The following DHRSX variants were observed in gnomAD, a reference collection of about 807,000 sequenced individuals.
DHRSX encodes the protein dehydrogenase/reductase X-linked, also known as polyprenol dehydrogenase.
In DHRSX, 31 loss-of-function variants were observed where a neutral mutation model predicts 34.0. That is an observed-to-expected ratio of 0.91 (90% CI 0.69 to 1.23). The LOEUF is 1.23. DHRSX is among the 50% of genes most tolerant of loss of function. The probability of loss-of-function intolerance (pLI) is 0.00; values close to 1 mark genes in which losing one functional copy is unlikely to be tolerated. For synonymous variants in DHRSX, 201 were observed against 183.8 expected (o/e 1.09, Z -0.76); for missense variants, 414 against 428.1 (o/e 0.97, Z 0.29).
At chrX:2,273,770 G>A (rs2041588071) in intron 4 of DHRSX, among the ~76,000 whole-genome samples, 1 of 152,196 alleles carries the variant, frequency 6.6e-6, no homozygotes, top group African/African-American at 2.4e-5. Context: ...TAGGATAATG[G>A]CTTGCAGCTC....
At chrX:2,340,497 T>C (rs1432253737) in intron 3 of DHRSX, among the ~76,000 whole-genome samples, 1 of 151,966 alleles carries the variant, frequency 6.6e-6, no homozygotes, top group African/African-American at 2.4e-5. Flanking sequence ...ATATACAATG[T>C]CCAATGTTCT....
chrX:2,455,741 C>CAAAAAAAAA (rs752123891), intron 1 of DHRSX, among the ~76,000 whole-genome samples: 3 of 59,788 alleles, frequency 5.0e-5, no homozygotes, highest in Non-Finnish European at 9.9e-5. Flanking sequence ...AACTTCGTCT[C>CAAAAAAAAA]AAAAAAAAAA....
intron 6 of DHRSX, among the ~76,000 whole-genome samples, chrX:2,227,353 A>G (rs1290939579): frequency 6.6e-6 from 1 of 150,494 alleles, no homozygotes; most frequent in African/African-American, 2.5e-5. Context: ...GAGAAAGAAA[A>G]AGAGGAAGAA....
intron 5 of DHRSX, among the ~76,000 whole-genome samples, chrX:2,254,250 T>C (rs914130301): frequency 2.6e-5 from 4 of 152,224 alleles, no homozygotes; most frequent in Admixed American, 6.5e-5. Flanking sequence ...CAAGGACAAC[T>C]GAGTTTTTAT....
intron 2 of DHRSX, among the ~76,000 whole-genome samples, chrX:2,411,748 AAAAC>A (rs1439723513): frequency 3.2e-5 from 3 of 95,154 alleles, no homozygotes; most frequent in African/African-American, 1.1e-4. Context: ...AAAACAAAAC[AAAAC>A]AAAAAAAAAC....
At chrX:2,361,061 G>C (rs2042927741) in intron 3 of DHRSX, among the ~76,000 whole-genome samples, 1 of 152,028 alleles carries the variant, frequency 6.6e-6, no homozygotes, top group African/African-American at 2.4e-5. Flanking sequence ...CGTTGGCTTT[G>C]GTTAGAGAAA....
chrX:2,294,997 C>G (rs2041915458), intron 3 of DHRSX, among the ~76,000 whole-genome samples: 2 of 152,106 alleles, frequency 1.3e-5, no homozygotes. Context: ...TTAGTTCAAC[C>G]ATTGTGGAAG....
intron 2 of DHRSX, among the ~76,000 whole-genome samples, chrX:2,420,145 A>C (rs1442069130): frequency 3.9e-5 from 6 of 152,098 alleles, no homozygotes; most frequent in Non-Finnish European, 8.8e-5. Context: ...GCAGTGGCTC[A>C]CGCCTGTAAT....
At chrX:2,433,133 G>GT (rs2043948605) in intron 1 of DHRSX, among the ~76,000 whole-genome samples, 3 of 151,766 alleles carry the variant, frequency 2.0e-5, no homozygotes, top group Admixed American at 2.0e-4. Context: ...AAATCACATG[G>GT]TAAAAAACAA....
At chrX:2,408,611 A>G in intron 3 of DHRSX, 134 bp downstream of exon 3, 1 of 751,682 alleles carries the variant, frequency 1.3e-6, no homozygotes, top group Non-Finnish European at 2.2e-6. Flanking sequence ...CCCCAAAAGA[A>G]GAGTGCAAAA....
intron 3 of DHRSX, among the ~76,000 whole-genome samples, chrX:2,296,116 C>T (rs1602889880): frequency 1.3e-5 from 2 of 152,278 alleles, no homozygotes; most frequent in Middle Eastern, 6.8e-3. Context: ...CATCATTGCA[C>T]CTCCTCACTT....
intron 3 of DHRSX, among the ~76,000 whole-genome samples, chrX:2,312,188 A>G (rs1236844096): frequency 6.6e-6 from 1 of 152,128 alleles, no homozygotes; most frequent in Non-Finnish European, 1.5e-5. Context: ...CCAAGCATGG[A>G]AATCAAGAGA....
intron 1 of DHRSX, among the ~76,000 whole-genome samples, chrX:2,455,957 C>A (rs970797668): frequency 8.6e-5 from 13 of 152,046 alleles, no homozygotes; most frequent in Non-Finnish European, 1.9e-4. Flanking sequence ...TGGGCTTCCA[C>A]AAATCCCCGA....
intron 4 of DHRSX, among the ~76,000 whole-genome samples, chrX:2,272,101 C>T (rs1456077757): frequency 2.0e-5 from 3 of 151,900 alleles, no homozygotes; most frequent in Non-Finnish European, 4.4e-5. Flanking sequence ...TGCAAACATA[C>T]GGAATCAACC....
At chrX:2,407,885 T>G (rs1280871696) in intron 3 of DHRSX, among the ~76,000 whole-genome samples, 1 of 152,142 alleles carries the variant, frequency 6.6e-6, no homozygotes, top group Non-Finnish European at 1.5e-5. Context: ...ACTACGCCAT[T>G]CATCCATGTT....
chrX:2,288,712 G>T (rs2041833552), intron 4 of DHRSX, among the ~76,000 whole-genome samples: 1 of 152,230 alleles, frequency 6.6e-6, no homozygotes, highest in Non-Finnish European at 1.5e-5. Context: ...TCTTAGCATG[G>T]AAGAAAGGTC....
chrX:2,358,214 G>C (rs886099803), intron 3 of DHRSX, among the ~76,000 whole-genome samples: 1 of 152,164 alleles, frequency 6.6e-6, no homozygotes, highest in Admixed American at 6.6e-5. Flanking sequence ...AGCGTGAACA[G>C]ACAACCTACA....
At chrX:2,469,244 G>A (rs917500966) in intron 1 of DHRSX, among the ~76,000 whole-genome samples, 15 of 145,218 alleles carry the variant, frequency 1.0e-4, no homozygotes, top group Non-Finnish European at 1.9e-4. Flanking sequence ...CCGCACTGAA[G>A]AAGTCCCCTA....
chrX:2,333,317 G>C (rs2042506237), intron 3 of DHRSX, among the ~76,000 whole-genome samples: 1 of 152,136 alleles, frequency 6.6e-6, no homozygotes, highest in Non-Finnish European at 1.5e-5. Context: ...TTGTATGTTA[G>C]ATTCGGGAGG....
Sources: allele counts gnomAD v4.1 joint callset (sites outside exome capture counted in the v4.1 genomes callset), GRCh38; gene constraint gnomAD v4.1.1; transcripts MANE v1.5; gene names NCBI Gene and HGNC (gene_info 2026-07-23, HGNC 2026-07-21).